Variants in FANCL observed in about 807,000 individuals in gnomAD.
The protein encoded by FANCL is FA complementation group L, also known as E3 ubiquitin-protein ligase FANCL.
Under a neutral mutation model 59.4 loss-of-function variants are expected in FANCL, and 69 were observed. That is an observed-to-expected ratio of 1.16 (90% CI 0.96 to 1.42). The LOEUF (loss-of-function observed/expected upper bound fraction) is 1.42. Ranked by LOEUF, FANCL falls within the 40% of genes most tolerant of loss-of-function variation. FANCL has a pLI of 0.00. For missense variants in FANCL, 519 were observed against 447.2 expected (o/e 1.16, Z -1.45); for synonymous variants, 180 against 147.1 (o/e 1.22, Z -1.62).
intron 7 of FANCL, among the ~76,000 whole-genome samples, chr2:58,191,770 C>G (rs1252774579): frequency 6.6e-6 from 1 of 151,448 alleles, no homozygotes; most frequent in Non-Finnish European, 1.5e-5. Flanking sequence ...CATATTAGCT[C>G]TCACTATATT....
intron 6 of FANCL, among the ~76,000 whole-genome samples, chr2:58,201,068 T>C (rs942643973): frequency 6.6e-6 from 1 of 150,634 alleles, no homozygotes; most frequent in South Asian, 2.1e-4. Flanking sequence ...TAAACTAGCA[T>C]ACTAGATATT....
At chr2:58,237,008 A>T (rs1439828808) in intron 1 of FANCL, among the ~76,000 whole-genome samples, 2 of 152,122 alleles carry the variant, frequency 1.3e-5, no homozygotes, top group South Asian at 4.1e-4. Flanking sequence ...ATCAACAAAG[A>T]TCGTTGGAGA....
rs1690355236 is a variant in FANCL at position 58,204,283 on chromosome 2, C to A, written c.375-57G>T. On this transcript the variant is annotated intron_variant, in intron 5 of 13. Coordinates refer to ENST00000233741, the MANE Select transcript of FANCL (RefSeq NM_018062.4). ...CACCGGGGAGAGCTGGAGAGGGGAA[C>A]TGGAGATGGTTGAATTTGAAATGAA... 7 of 1,216,638 alleles carry A rather than the reference C, an allele frequency of 5.8e-6. No homozygotes were observed. The Admixed American group carries it at 1.2e-4, about 20-fold the overall frequency. 75.4% of individuals were successfully genotyped at this position (1,216,638 alleles called of 1,614,324 possible).
At chr2:58,205,756 A>C (rs982029663) in intron 5 of FANCL, among the ~76,000 whole-genome samples, 2 of 152,098 alleles carry the variant, frequency 1.3e-5, no homozygotes, top group African/African-American at 4.8e-5. Flanking sequence ...TCCAGGCAGA[A>C]ACAGCTGGCA....
intron 7 of FANCL, 45 bp from the exon 8 acceptor site, chr2:58,165,919 A>AAT (rs1444717385): frequency 6.4e-7 from 1 of 1,574,066 alleles, no homozygotes; most frequent in Non-Finnish European, 8.7e-7. Context: ...GTACTCTACC[A>AAT]ATAGCAGATA....
chr2:58,228,050 T>C (rs1249361721), intron 3 of FANCL, among the ~76,000 whole-genome samples: 1 of 147,850 alleles, frequency 6.8e-6, no homozygotes, highest in Non-Finnish European at 1.5e-5. Flanking sequence ...AAATTAACAA[T>C]TATTAATTAA....
At chr2:58,161,131 A>G (rs1685091447) in intron 12 of FANCL, among the ~76,000 whole-genome samples, 1 of 152,030 alleles carries the variant, frequency 6.6e-6, no homozygotes, top group African/African-American at 2.4e-5. Flanking sequence ...GATACTACAT[A>G]GTACTAATTT....
intron 7 of FANCL, among the ~76,000 whole-genome samples, chr2:58,167,149 T>G (rs960883583): frequency 6.6e-6 from 1 of 152,044 alleles, no homozygotes; most frequent in Non-Finnish European, 1.5e-5. Flanking sequence ...GAGGCAGAGG[T>G]TGCAGTGGGC....
chr2:58,170,564 C>G (rs939216170), intron 7 of FANCL, among the ~76,000 whole-genome samples: 4 of 152,094 alleles, frequency 2.6e-5, no homozygotes, highest in Non-Finnish European at 4.4e-5. Flanking sequence ...TTAAAAGACA[C>G]AGACTGGCAA....
In FANCL at chr2:58,161,872, T is replaced by A. The variant is rs146941075; in HGVS notation, c.904-234A>T. Among the ~76,000 whole-genome samples the A allele has an allele frequency of 5.1e-3, 775 of 152,020 alleles. 9 individuals are homozygous for A. The highest frequency in any genetic ancestry group is 0.017 in the African/African-American group (720 of 41,544). On this transcript the variant is annotated intron_variant, in intron 11 of 13. Coordinates refer to ENST00000233741, the MANE Select transcript of FANCL (RefSeq NM_018062.4). ...TATGTGTTTAAAACACAAGGTAAGA[T>A]CAGGAAGAATGTTTTATAAATATAG...
intron 6 of FANCL, among the ~76,000 whole-genome samples, chr2:58,202,114 G>C (rs1162029001): frequency 6.8e-6 from 1 of 147,180 alleles, no homozygotes; most frequent in Admixed American, 6.8e-5. Flanking sequence ...TAAAATTTTT[G>C]TTTCCTAAAA....
chr2:58,174,327 G>T (rs1011333919), intron 7 of FANCL, among the ~76,000 whole-genome samples: 1 of 152,110 alleles, frequency 6.6e-6, no homozygotes, highest in African/African-American at 2.4e-5. Context: ...CAAATCAACA[G>T]AATATACATT....
At chr2:58,180,141 A>T (rs895349899) in intron 7 of FANCL, among the ~76,000 whole-genome samples, 7 of 152,210 alleles carry the variant, frequency 4.6e-5, no homozygotes, top group African/African-American at 1.7e-4. Context: ...AAATTAGTTC[A>T]ACCATTGTGG....
chr2:58,189,808 T>C (rs1192761934), intron 7 of FANCL, among the ~76,000 whole-genome samples: 1 of 152,108 alleles, frequency 6.6e-6, no homozygotes, highest in Non-Finnish European at 1.5e-5. Context: ...TGTGATCTTT[T>C]GTGCTATGAT....
chr2:58,213,303 G>C (rs1691363022), intron 5 of FANCL, among the ~76,000 whole-genome samples: 1 of 152,196 alleles, frequency 6.6e-6, no homozygotes, highest in Non-Finnish European at 1.5e-5. Context: ...CTAGTATGTG[G>C]ACAGCACAGT....
Position 58,159,396 on chromosome 2 carries a change from G to C in FANCL, c.*369C>G. 6.2e-7 allele frequency: 1 copy of C among 1,613,134 alleles called. No homozygotes were observed. Among genetic ancestry groups the C allele is most frequent in the Non-Finnish European group, 8.5e-7 (1 of 1,179,594 alleles). On this transcript the variant is annotated 3_prime_UTR_variant, in exon 14 of 14. Transcript: ENST00000233741. ...AATATCAAGAGTCTCAAGAACCTTT[G>C]AATGAAGTAAACAGTTTCCCACAAA... is the stretch of plus-strand genomic sequence containing the variant.
intron 5 of FANCL, among the ~76,000 whole-genome samples, chr2:58,219,140 T>TAAAAAAAA (rs70954881): frequency 6.0e-5 from 1 of 16,604 alleles, no homozygotes; most frequent in Non-Finnish European, 1.3e-4. Flanking sequence ...AAATACATGC[T>TAAAAAAAA]AAAAAAAAAA....
intron 4 of FANCL, among the ~76,000 whole-genome samples, chr2:58,222,984 T>C (rs962558471): frequency 3.3e-5 from 5 of 149,950 alleles, no homozygotes; most frequent in Non-Finnish European, 7.4e-5. Flanking sequence ...ATATGTTTAA[T>C]CTTATTTTTT....
chr2:58,186,978 T>C (rs1218321598), intron 7 of FANCL, among the ~76,000 whole-genome samples: 1 of 152,156 alleles, frequency 6.6e-6, no homozygotes, highest in South Asian at 2.1e-4. Flanking sequence ...GAGTGTGAAC[T>C]AGTTCAACCA....
Sources: gnomAD v4.1 joint callset for allele counts (sites outside exome capture counted in the v4.1 genomes callset) on GRCh38, gnomAD v4.1.1 for gene constraint, MANE v1.5 for transcripts, NCBI Gene and HGNC (gene_info 2026-07-23, HGNC 2026-07-21) for gene names.